The following GIGYF2 variants were observed in gnomAD, a reference collection of about 807,000 sequenced individuals.
GIGYF2 encodes the protein GRB10 interacting GYF protein 2.
Under a neutral mutation model 208.1 loss-of-function variants are expected in GIGYF2, and 25 were observed. The ratio of observed to expected loss-of-function variants is 0.12; its 90% confidence interval spans 0.09 to 0.17. The LOEUF is 0.17. GIGYF2 is among the 10% of genes least tolerant of loss of function. GIGYF2 has a pLI of 1.00. For missense variants in GIGYF2, 1,302 were observed against 1,579.4 expected (o/e 0.82, Z 2.98); for synonymous variants, 534 against 543.8 (o/e 0.98, Z 0.25).
chr2:232,700,565 T>G (rs1057228807), intron 1 of GIGYF2: 3 of 152,242 alleles, frequency 2.0e-5, no homozygotes, highest in Non-Finnish European at 2.9e-5. Context: ...ATACTTTCTG[T>G]TTTATTCTAT....
chr2:232,840,629 T>G (rs931079289), intron 23 of GIGYF2, among the ~76,000 whole-genome samples: 1 of 152,196 alleles, frequency 6.6e-6, no homozygotes, highest in African/African-American at 2.4e-5. Context: ...CAAGATTTTC[T>G]GCATTCATGA....
chr2:232,790,940 T>G, intron 10 of GIGYF2, 25 bp downstream of exon 10: 1 of 1,612,126 alleles, frequency 6.2e-7, no homozygotes. Context: ...TTAAATGTCA[T>G]GACCAGCATT....
intron 18 of GIGYF2, among the ~76,000 whole-genome samples, chr2:232,813,192 T>TC (rs1407375644): frequency 1.4e-5 from 2 of 147,364 alleles, no homozygotes; most frequent in Non-Finnish European, 3.0e-5. Flanking sequence ...GCTTTCTTTT[T>TC]TTTTTTTTTT....
intron 2 of GIGYF2, among the ~76,000 whole-genome samples, chr2:232,726,772 C>G (rs1697221106): frequency 6.6e-6 from 1 of 152,150 alleles, no homozygotes; most frequent in Non-Finnish European, 1.5e-5. Flanking sequence ...TCTAGTTCTT[C>G]TTTCTAGAGG....
In GIGYF2 at chr2:232,812,575, A is replaced by G. The variant is rs1700765612; in HGVS notation, c.2107+84A>G. 3.9e-5 allele frequency: 27 copies of G among 696,604 alleles called. No individual in the cohort carries two copies. In the East Asian group the frequency reaches 5.7e-4, roughly 15 times the overall value. 43.2% of individuals were successfully genotyped at this position (696,604 alleles called of 1,614,324 possible). A position where few individuals can be genotyped will look rare whatever the true frequency, so the allele number is the denominator to read the frequency against. The stretch of plus-strand genomic sequence containing the variant: ...TTACAATTCAGTTCTTAAAAAATAT[A>G]TTAGGTTTCTGAATCCATTTTGTAT... On this transcript the variant is annotated intron_variant, in intron 18 of 28. Coordinates refer to ENST00000373563, the MANE Select transcript of GIGYF2 (RefSeq NM_001103146.3).
chr2:232,705,209 C>T (rs944101913), intron 2 of GIGYF2, among the ~76,000 whole-genome samples: 1 of 151,922 alleles, frequency 6.6e-6, no homozygotes, highest in Admixed American at 6.6e-5. Context: ...TATTAGGAAG[C>T]CATATAGAAT....
intron 5 of GIGYF2, among the ~76,000 whole-genome samples, chr2:232,750,323 G>C (rs1290904144): frequency 1.3e-5 from 2 of 152,192 alleles, no homozygotes; most frequent in Non-Finnish European, 2.9e-5. Context: ...TCCTGGCAGA[G>C]GGGTAAAAAC....
At chr2:232,722,717 G>A (rs1233473637) in intron 2 of GIGYF2, 1 of 152,134 alleles carries the variant, frequency 6.6e-6, no homozygotes, top group Non-Finnish European at 1.5e-5. Flanking sequence ...TGTAATGTAA[G>A]TTGTTAACAT....
chr2:232,855,933 G>GTTTTGTTTTTTTT (rs1304985548), intron 28 of GIGYF2, among the ~76,000 whole-genome samples: 1 of 85,232 alleles, frequency 1.2e-5, no homozygotes, highest in East Asian at 3.5e-4. Context: ...GGGTTTTTTT[G>GTTTTGTTTTTTTT]TTTTGTTTTT....
intron 23 of GIGYF2, among the ~76,000 whole-genome samples, chr2:232,840,682 G>A (rs1302780286): frequency 6.6e-6 from 1 of 152,174 alleles, no homozygotes; most frequent in Non-Finnish European, 1.5e-5. Context: ...AAAATGAAGC[G>A]TATGAGAGGT....
intron 28 of GIGYF2, among the ~76,000 whole-genome samples, 154 bp downstream of exon 28, chr2:232,850,563 T>C (rs1690273030): frequency 6.6e-6 from 1 of 152,234 alleles, no homozygotes; most frequent in Admixed American, 6.5e-5. Flanking sequence ...AAGTAGCCAG[T>C]ATTTACTGGG....
At chr2:232,795,998 A>G (rs1700210558) in intron 13 of GIGYF2, 64 bp from the exon 14 acceptor site, 8 of 1,177,340 alleles carry the variant, frequency 6.8e-6, no homozygotes, top group African/African-American at 1.5e-5. Context: ...AGGCACTGTT[A>G]TTATGTGTAC....
Position 232,844,054 on chromosome 2 carries a change from C to G in GIGYF2, c.2898C>G (p.Arg966=). The change falls in exon 24 of 29, where the codon CGC becomes CGG. Residue 966 remains arginine, a synonymous_variant. Transcript: ENST00000373563. ...RERQLREEQR[R]QQRELMKALQ... ...CTGTTTTTATGCAACAGCAAAGGCG[C>G]CAGCAGAGGGAGTTGATGAAAGCTC... 1 of 1,612,918 alleles carries G rather than the reference C, an allele frequency of 6.2e-7. No individual in the cohort carries two copies. The highest frequency in any genetic ancestry group is 8.5e-7 in the Non-Finnish European group (1 of 1,179,158).
In GIGYF2 at chr2:232,780,882, C is replaced by G. The variant is rs79601296; in HGVS notation, c.533-6268C>G. Among the ~76,000 whole-genome samples the G allele has an allele frequency of 9.9e-5, 15 of 152,216 alleles. No homozygotes were observed. The East Asian group carries it at 2.7e-3, about 27-fold the overall frequency. On this transcript the variant is annotated intron_variant, in intron 8 of 28. Coordinates refer to ENST00000373563, the MANE Select transcript of GIGYF2 (RefSeq NM_001103146.3). ...GCTATGAATTGTTGGAATTTTTAGA[C>G]GTGAAGGGAACTTAGATGTCATCTT...
chr2:232,769,165 A>C (rs1699111344), intron 8 of GIGYF2, among the ~76,000 whole-genome samples: 1 of 152,250 alleles, frequency 6.6e-6, no homozygotes, highest in Non-Finnish European at 1.5e-5. Context: ...ACTTGGCTAC[A>C]GCCAGATTAC....
chr2:232,791,890 C>A (rs1204067523), intron 12 of GIGYF2, among the ~76,000 whole-genome samples: 1 of 152,198 alleles, frequency 6.6e-6, no homozygotes, highest in Non-Finnish European at 1.5e-5. Context: ...GCAGAATAAG[C>A]TTAAAACATA....
chr2:232,763,953 A>G (rs768531324), intron 8 of GIGYF2, among the ~76,000 whole-genome samples: 1 of 152,264 alleles, frequency 6.6e-6, no homozygotes, highest in Non-Finnish European at 1.5e-5. Context: ...AGGCGGGATT[A>G]CTGTAAATAA....
Position 232,856,776 on chromosome 2 carries a change from C to T in GIGYF2, c.3833-17C>T. On this transcript the variant is annotated splice_polypyrimidine_tract_variant and intron_variant, in intron 28 of 28. Transcript: ENST00000373563. ...TTGCCTGGGTGTGGTCACTCATAGC[C>T]AGTTTTTTTTCTGCAGGATTTTCAG... 6.3e-7 allele frequency: 1 copy of T among 1,591,016 alleles called. No homozygotes were observed. The highest frequency in any genetic ancestry group is 8.6e-7 in the Non-Finnish European group (1 of 1,158,916).
At chr2:232,768,144 T>G (rs767179140) in intron 8 of GIGYF2, 1 of 1,591,290 alleles carries the variant, frequency 6.3e-7, no homozygotes, top group Non-Finnish European at 8.6e-7. Flanking sequence ...AAAAAGTAGC[T>G]GCATAACTGG....
Sources: gnomAD v4.1 joint callset for allele counts (sites outside exome capture counted in the v4.1 genomes callset) on GRCh38, gnomAD v4.1.1 for gene constraint, MANE v1.5 for transcripts, NCBI Gene and HGNC (gene_info 2026-07-23, HGNC 2026-07-21) for gene names.